SMYD3: variants seen among roughly 807,000 people sequenced by gnomAD.
The protein encoded by SMYD3 is SET and MYND domain containing 3.
A neutral mutation model predicts 57.7 loss-of-function variants in SMYD3; 36 were observed. That is an observed-to-expected ratio of 0.62 (90% CI 0.48 to 0.82). SMYD3 has a LOEUF of 0.82. Ranked by LOEUF, SMYD3 falls within the 40% of genes least tolerant of loss-of-function variation. The pLI, the probability that SMYD3 is intolerant of heterozygous loss-of-function variation, is 0.00. For synonymous variants in SMYD3, 211 were observed against 195.0 expected (o/e 1.08, Z -0.68); for missense variants, 515 against 538.8 (o/e 0.96, Z 0.44).
chr1:246,434,046 T>C (rs1418041446), intron 1 of SMYD3, among the ~76,000 whole-genome samples: 1 of 152,158 alleles, frequency 6.6e-6, no homozygotes, highest in East Asian at 1.9e-4. Context: ...CAATAAATGG[T>C]GCTGGGATAG....
chr1:245,915,738 T>G, intron 7 of SMYD3, 98 bp from the exon 8 acceptor site: 2 of 757,456 alleles, frequency 2.6e-6, no homozygotes, highest in South Asian at 4.7e-5. Context: ...GTAAAACTTG[T>G]TTTTATTATA....
chr1:246,127,618 G>T (rs2061527736), intron 5 of SMYD3, among the ~76,000 whole-genome samples: 1 of 152,114 alleles, frequency 6.6e-6, no homozygotes, highest in East Asian at 1.9e-4. Flanking sequence ...AAAGGAGGCT[G>T]GGTGCGGTGA....
At chr1:246,462,473 C>A (rs2067817296) in intron 1 of SMYD3, among the ~76,000 whole-genome samples, 1 of 152,112 alleles carries the variant, frequency 6.6e-6, no homozygotes, top group South Asian at 2.1e-4. Flanking sequence ...GCCACTGTGT[C>A]CACTGGTAAT....
At chr1:246,075,092 C>T (rs1396345361) in intron 5 of SMYD3, among the ~76,000 whole-genome samples, 1 of 152,104 alleles carries the variant, frequency 6.6e-6, no homozygotes, top group African/African-American at 2.4e-5. Context: ...TGAAAACCAA[C>T]CCAAAATGGC....
chr1:245,842,001 G>C (rs1415480446), intron 10 of SMYD3, among the ~76,000 whole-genome samples: 1 of 152,092 alleles, frequency 6.6e-6, no homozygotes, highest in Admixed American at 6.5e-5. Context: ...ACAAATACCT[G>C]CCACTGTGTT....
chr1:245,763,917 A>G, intron 11 of SMYD3, 124 bp downstream of exon 11: 1 of 659,508 alleles, frequency 1.5e-6, no homozygotes, highest in Non-Finnish European at 2.6e-6. Flanking sequence ...TTACCAGCAC[A>G]CACTGGGCAT....
chr1:246,428,810 A>G (rs2067257294), intron 1 of SMYD3, among the ~76,000 whole-genome samples: 1 of 135,922 alleles, frequency 7.4e-6, no homozygotes, highest in Non-Finnish European at 1.7e-5. Flanking sequence ...ACCACAGCCC[A>G]TGCTCTTAAC....
At chr1:246,422,687 G>A (rs528926439) in intron 1 of SMYD3, among the ~76,000 whole-genome samples, 1 of 152,292 alleles carries the variant, frequency 6.6e-6, no homozygotes, top group African/African-American at 2.4e-5. Context: ...CTCCCAAAGT[G>A]CTGGGATTAC....
At chr1:246,470,930 A>G (rs2067953572) in intron 1 of SMYD3, among the ~76,000 whole-genome samples, 1 of 152,210 alleles carries the variant, frequency 6.6e-6, no homozygotes, top group Admixed American at 6.5e-5. Context: ...GGAAAGAGAC[A>G]TTAGGTATGC....
rs1356200982 is a variant in SMYD3 at position 246,299,319 on chromosome 1, G to T, written c.531+27882C>A. On this transcript the variant is annotated intron_variant, in intron 5 of 11. Coordinates refer to ENST00000490107, the MANE Select transcript of SMYD3 (RefSeq NM_001167740.2). ...ATACCATCTCATAGCAGTCAGAATG[G>T]CTATTATTAAAAACTCAAAAAATAA... Among the ~76,000 whole-genome samples the T allele has an allele frequency of 9.2e-5, 14 of 152,164 alleles. No individual in the cohort carries two copies. In the South Asian group the frequency reaches 2.9e-3, roughly 32 times the overall value.
intron 5 of SMYD3, among the ~76,000 whole-genome samples, chr1:246,230,363 A>G (rs1293100134): frequency 1.3e-5 from 2 of 152,232 alleles, no homozygotes; most frequent in Non-Finnish European, 2.9e-5. Flanking sequence ...TAGTTTGCAT[A>G]AACACATTCA....
chr1:245,842,701 A>G (rs1264933701), intron 10 of SMYD3, among the ~76,000 whole-genome samples: 1 of 152,122 alleles, frequency 6.6e-6, no homozygotes, highest in East Asian at 1.9e-4. Flanking sequence ...CACGTTTTAT[A>G]TTAATTTTTA....
At chr1:246,504,040 C>A (rs2068499165) in intron 1 of SMYD3, among the ~76,000 whole-genome samples, 1 of 150,600 alleles carries the variant, frequency 6.6e-6, no homozygotes, top group Non-Finnish European at 1.5e-5. Flanking sequence ...ACTTCATTTT[C>A]TTTTCCAGGC....
chr1:245,807,248 T>C (rs4654285), intron 10 of SMYD3, among the ~76,000 whole-genome samples: 11,272 of 151,968 alleles, frequency 0.074, 628 homozygotes, highest in East Asian at 0.2. Context: ...GCTGACCAGG[T>C]CTCTCTGGGG....
intron 11 of SMYD3, among the ~76,000 whole-genome samples, chr1:245,750,447 T>C (rs1384767515): frequency 6.6e-6 from 1 of 152,146 alleles, no homozygotes; most frequent in Non-Finnish European, 1.5e-5. Context: ...GCACCAGACA[T>C]GTACATAAAT....
chr1:245,798,407 T>TACACACACACATACACACACAAAC (rs1402299710), intron 10 of SMYD3, among the ~76,000 whole-genome samples: 23 of 16,328 alleles, frequency 1.4e-3, no homozygotes, highest in South Asian at 3.0e-3. Flanking sequence ...CACACACACA[T>TACACACACACATACACACACAAAC]ACACACACAT....
At chr1:246,168,965 T>C (rs1365263525) in intron 5 of SMYD3, among the ~76,000 whole-genome samples, 1 of 152,222 alleles carries the variant, frequency 6.6e-6, no homozygotes, top group Non-Finnish European at 1.5e-5. Flanking sequence ...ACCTGCTATG[T>C]ACTCTGGTCC....
At position 245,954,411 on chromosome 1, in the gene SMYD3, C is replaced by T. The variant is rs76358527; in HGVS notation, c.532-24474G>A. Among the ~76,000 whole-genome samples, 124 of 152,292 alleles carry T rather than the reference C, an allele frequency of 8.1e-4. No individual in the cohort carries two copies. The East Asian group carries it at 0.015, about 19-fold the overall frequency. ...GGTAGGCCAGGTGTGGTGGCTCACACACCTGTAATCTTAGCACTTTGGGAG... is the reference window on the plus strand; with the variant it reads ...GGTAGGCCAGGTGTGGTGGCTCACATACCTGTAATCTTAGCACTTTGGGAG... On this transcript the variant is annotated intron_variant, in intron 5 of 11. Coordinates refer to ENST00000490107, the MANE Select transcript of SMYD3 (RefSeq NM_001167740.2).
intron 10 of SMYD3, among the ~76,000 whole-genome samples, chr1:245,798,101 A>T (rs547949756): frequency 2.3e-4 from 34 of 146,464 alleles, no homozygotes; most frequent in East Asian, 7.8e-4. Flanking sequence ...TTTTTTTTTT[A>T]AAATATGCAA....
Sources: allele counts gnomAD v4.1 joint callset (sites outside exome capture counted in the v4.1 genomes callset), GRCh38; gene constraint gnomAD v4.1.1; transcripts MANE v1.5; gene names NCBI Gene and HGNC (gene_info 2026-07-23, HGNC 2026-07-21).